Variants in FAM149B1 observed in about 807,000 individuals in gnomAD.
FAM149B1 encodes the protein primary cilium assembly protein FAM149B1.
A neutral mutation model predicts 75.3 loss-of-function variants in FAM149B1; 56 were observed. That is an observed-to-expected ratio of 0.74 (90% CI 0.60 to 0.93). The LOEUF (loss-of-function observed/expected upper bound fraction) is 0.93. FAM149B1 is among the 40% of genes least tolerant of loss of function. The probability of loss-of-function intolerance (pLI) is 0.00; values close to 1 mark genes in which losing one functional copy is unlikely to be tolerated. For synonymous variants in FAM149B1, 259 were observed against 256.1 expected, an observed-to-expected ratio of 1.01 and a Z score of -0.11; for missense variants, 639 against 708.4, an observed-to-expected ratio of 0.90 and a Z score of 1.11.
intron 7 of FAM149B1, among the ~76,000 whole-genome samples, chr10:73,212,282 T>A (rs2043201969): frequency 6.6e-6 from 1 of 152,200 alleles, no homozygotes; most frequent in South Asian, 2.1e-4. Context: ...TGAGTGTGAA[T>A]AAATATATAT....
intron 5 of FAM149B1, among the ~76,000 whole-genome samples, chr10:73,196,506 A>G (rs1345625379): frequency 6.6e-6 from 1 of 152,178 alleles, no homozygotes; most frequent in Non-Finnish European, 1.5e-5. Context: ...ATGTGTCATT[A>G]ATTCATTTTG....
intron 7 of FAM149B1, among the ~76,000 whole-genome samples, chr10:73,212,218 C>G (rs151220605): frequency 6.6e-6 from 1 of 152,278 alleles, no homozygotes; most frequent in Non-Finnish European, 1.5e-5. Context: ...TGTTGATGGA[C>G]ACTTAGGCTG....
At chr10:73,205,521 A>C (rs2043035514) in intron 5 of FAM149B1, among the ~76,000 whole-genome samples, 1 of 151,800 alleles carries the variant, frequency 6.6e-6, no homozygotes, top group South Asian at 2.1e-4. Context: ...CCTATAAATT[A>C]CCCAGTCTCA....
intron 3 of FAM149B1, among the ~76,000 whole-genome samples, chr10:73,185,792 T>C (rs962682222): frequency 6.6e-6 from 1 of 152,114 alleles, no homozygotes; most frequent in Non-Finnish European, 1.5e-5. Flanking sequence ...AGAAAAAAAT[T>C]AGAACTGATA....
intron 1 of FAM149B1, 146 bp downstream of exon 1, chr10:73,168,532 T>C: frequency 1.0e-6 from 1 of 963,066 alleles, no homozygotes; most frequent in Non-Finnish European, 1.5e-6. Context: ...TGCTGGACCC[T>C]GCCCCTTCTT....
At chr10:73,174,622 A>T in intron 1 of FAM149B1, 65 bp from the exon 2 acceptor site, 1 of 1,212,502 alleles carries the variant, frequency 8.2e-7, no homozygotes, top group Non-Finnish European at 1.2e-6. Flanking sequence ...TAACTTCTAG[A>T]TTAAATTATT....
intron 7 of FAM149B1, among the ~76,000 whole-genome samples, chr10:73,222,581 G>A (rs1046091257): frequency 6.6e-6 from 1 of 152,080 alleles, no homozygotes; most frequent in Non-Finnish European, 1.5e-5. Flanking sequence ...AGCTGCCTTG[G>A]TCTCTGGACT....
intron 5 of FAM149B1, among the ~76,000 whole-genome samples, chr10:73,198,665 C>G (rs921602390): frequency 5.9e-5 from 9 of 152,152 alleles, no homozygotes; most frequent in African/African-American, 1.7e-4. Flanking sequence ...ATTAGCTTGG[C>G]GTGGCAGTGT....
In FAM149B1 at chr10:73,168,392, TG is replaced by T; in HGVS notation, c.47+8del. 1 of 1,549,530 alleles carries T rather than the reference TG, an allele frequency of 6.5e-7. No individual in the cohort carries two copies. Among genetic ancestry groups the T allele is most frequent in the Non-Finnish European group, 8.7e-7 (1 of 1,146,660 alleles). ...GTGCCACAGAGCTTGGAGCTGTGAG[TG>T]GACTGCTCAGCCACCCCAGCCGGGG... On this transcript the variant is annotated splice_region_variant and intron_variant, in intron 1 of 13. Transcript: ENST00000242505.
intron 5 of FAM149B1, among the ~76,000 whole-genome samples, chr10:73,198,331 C>T (rs1440161567): frequency 2.0e-5 from 3 of 151,994 alleles, no homozygotes; most frequent in African/African-American, 7.3e-5. Context: ...AAAGCACAGG[C>T]AACAAAAGCA....
chr10:73,243,106 T>G lies in FAM149B1; in HGVS notation c.*2087T>G, dbSNP rs12780866. 2.8e-6 allele frequency: 1 copy of G among 358,526 alleles called. No individual in the cohort carries two copies. The highest frequency in any genetic ancestry group is 2.8e-5 in the South Asian group (1 of 35,120). 22.2% of individuals were successfully genotyped at this position (358,526 alleles called of 1,614,324 possible). A position where few individuals can be genotyped will look rare whatever the true frequency, so the allele number is the denominator to read the frequency against. On this transcript the variant is annotated 3_prime_UTR_variant, in exon 14 of 14. Coordinates refer to ENST00000242505, the MANE Select transcript of FAM149B1 (RefSeq NM_173348.2). ...AACCACATCCTAGATAAGAGTTCTG[T>G]GTACAGAAGATCCATGGAGGCAAGT...
intron 8 of FAM149B1, 149 bp from the exon 9 acceptor site, chr10:73,230,273 A>G: frequency 1.8e-6 from 1 of 557,158 alleles, no homozygotes; most frequent in South Asian, 2.0e-5. Flanking sequence ...TTGGGGCCCC[A>G]GCTACGGGCC....
At chr10:73,202,901 C>A (rs1365200222) in intron 5 of FAM149B1, among the ~76,000 whole-genome samples, 1 of 152,050 alleles carries the variant, frequency 6.6e-6, no homozygotes, top group East Asian at 1.9e-4. Flanking sequence ...TTTGCCCAGG[C>A]TGAGCTTCTC....
intron 12 of FAM149B1, among the ~76,000 whole-genome samples, chr10:73,237,561 A>G (rs915188353): frequency 3.9e-5 from 6 of 152,028 alleles, no homozygotes; most frequent in African/African-American, 1.5e-4. Flanking sequence ...CTGGGACTAC[A>G]GGCACCTGCC....
chr10:73,233,137 G>A lies in FAM149B1; in HGVS notation c.1326G>A (p.Val442=). 4 of 1,551,670 alleles carry A rather than the reference G, an allele frequency of 2.6e-6. No individual in the cohort carries two copies. The South Asian group carries it at 3.6e-5, about 14-fold the overall frequency. ...SHSCAETPRS[V]EEILRGARVP... ...CATGTGCTGAAACACCAAGATCTGT[G>A]GAAGAAATCCTCAGAGGAGCCCGAG... Residue 442 remains valine (V), a synonymous_variant, in exon 10 of 14, where the codon GTG becomes GTA. Transcript: ENST00000242505.
chr10:73,200,854 T>A, intron 5 of FAM149B1: 1 of 512,202 alleles, frequency 2.0e-6, no homozygotes, highest in African/African-American at 2.0e-5. Context: ...CAATACAAGG[T>A]GCAAGGTGGA....
chr10:73,220,592 A>C lies in FAM149B1; in HGVS notation c.899-7468A>C, dbSNP rs115815059. Reference sequence around the variant, plus strand: ...ATGAATTGTTTCCCCCCTAAAATTCATATGTTGAAACCCTAACCCCCAAAG... The same window carrying C: ...ATGAATTGTTTCCCCCCTAAAATTCCTATGTTGAAACCCTAACCCCCAAAG... On this transcript the variant is annotated intron_variant, in intron 7 of 13. Transcript: ENST00000242505. Among the ~76,000 whole-genome samples, 1,194 of 152,236 alleles carry C rather than the reference A, an allele frequency of 7.8e-3. 15 individuals carry two copies. The highest frequency in any genetic ancestry group is 0.027 in the African/African-American group (1,128 of 41,544).
chr10:73,187,392 A>T (rs982783552), intron 3 of FAM149B1, among the ~76,000 whole-genome samples: 2 of 109,278 alleles, frequency 1.8e-5, no homozygotes, highest in Non-Finnish European at 3.4e-5. Flanking sequence ...CCAGATTAGT[A>T]AAAAAAAAAA....
chr10:73,193,006 T>C (rs977348196), intron 4 of FAM149B1, among the ~76,000 whole-genome samples: 2 of 152,242 alleles, frequency 1.3e-5, no homozygotes, highest in African/African-American at 2.4e-5. Context: ...TGTACACTGT[T>C]GTATACAATT....
Sources: gnomAD v4.1 joint callset for allele counts (sites outside exome capture counted in the v4.1 genomes callset) on GRCh38, gnomAD v4.1.1 for gene constraint, MANE v1.5 for transcripts, NCBI Gene and HGNC (gene_info 2026-07-23, HGNC 2026-07-21) for gene names.